ZNF138: variants seen among roughly 807,000 people sequenced by gnomAD.
The protein encoded by ZNF138 is zinc finger protein 138, also known as zinc finger protein 138 (clone pHZ-32).
In ZNF138, 33 loss-of-function variants were observed where a neutral mutation model predicts 33.0. The observed-to-expected ratio is 1.00, with a 90% CI of 0.76 to 1.34. The LOEUF (loss-of-function observed/expected upper bound fraction) is 1.34. Ranked by LOEUF, ZNF138 falls within the 40% of genes most tolerant of loss-of-function variation. The pLI is 0.00. For missense variants in ZNF138, 360 were observed against 370.8 expected, an observed-to-expected ratio of 0.97 and a Z score of 0.24; for synonymous variants, 139 against 120.4, an observed-to-expected ratio of 1.15 and a Z score of -1.01.
rs541601767 is a variant in ZNF138 at position 64,832,435 on chromosome 7, A to G, written c.*233A>G. 146 of 1,463,998 alleles carry G rather than the reference A, an allele frequency of 1.0e-4. 1 individual carries two copies. The highest frequency in any genetic ancestry group is 9.7e-4 in the South Asian group (70 of 72,242). 90.7% of individuals were successfully genotyped at this position (1,463,998 alleles called of 1,614,324 possible). On this transcript the variant is annotated 3_prime_UTR_variant, in exon 4 of 4. Transcript: ENST00000307355. ...CCCTACAAATGTAAAGAATGTGGAA[A>G]AGCTTTTCACCGATACTCAATCCTT...
chr7:64,815,477 C>T, intron 2 of ZNF138, 99 bp from the exon 3 acceptor site: 4 of 980,590 alleles, frequency 4.1e-6, no homozygotes, highest in Non-Finnish European at 6.0e-6. Context: ...CTATTACATT[C>T]TCTTTACTGA....
intron 1 of ZNF138, among the ~76,000 whole-genome samples, chr7:64,811,855 A>G (rs1788204445): frequency 6.6e-6 from 1 of 152,216 alleles, no homozygotes; most frequent in Admixed American, 6.5e-5. Context: ...TAAAACTCCC[A>G]TTCATGAACC....
At chr7:64,831,388 T>C in intron 3 of ZNF138, 63 bp from the exon 4 acceptor site, 1 of 1,383,410 alleles carries the variant, frequency 7.2e-7, no homozygotes, top group Non-Finnish European at 9.8e-7. Context: ...TAGGTTAGAT[T>C]TGTAAAGTAT....
At chr7:64,835,065 T>G (rs1583912498), downstream of ZNF138, among the ~76,000 whole-genome samples, 1 of 151,330 alleles carries the variant, frequency 6.6e-6, no homozygotes, top group African/African-American at 2.4e-5. Context: ...GGGTGAGGAG[T>G]GGGCAGGGTA....
chr7:64,852,348 A>C, the ZNF138 span: 4 of 1,175,606 alleles, frequency 3.4e-6, no homozygotes, highest in Non-Finnish European at 3.8e-6. Flanking sequence ...TGATAAAGGA[A>C]ATAGATCTAT....
intron 1 of ZNF138, among the ~76,000 whole-genome samples, chr7:64,804,530 C>A (rs1186877284): frequency 6.6e-6 from 1 of 151,770 alleles, no homozygotes; most frequent in African/African-American, 2.4e-5. Context: ...TGCAGCTTGT[C>A]CTGCTACAGG....
At chr7:64,802,780 G>T (rs115230911) in intron 1 of ZNF138, among the ~76,000 whole-genome samples, 2,335 of 152,138 alleles carry the variant, frequency 0.015, 59 homozygotes, top group African/African-American at 0.053. Context: ...CTAGTGAGCC[G>T]CAAGATCTTT....
intron 1 of ZNF138, 53 bp from the exon 2 acceptor site, chr7:64,814,865 C>T (rs1385799491): frequency 1.9e-6 from 3 of 1,604,314 alleles, no homozygotes; most frequent in Non-Finnish European, 2.6e-6. Context: ...TAAAATTCTG[C>T]CCATGGCTAC....
the ZNF138 span, among the ~76,000 whole-genome samples, chr7:64,840,052 G>A: frequency 6.6e-6 from 1 of 152,108 alleles, no homozygotes; most frequent in Non-Finnish European, 1.5e-5. Flanking sequence ...TAGTGGGCAT[G>A]CGCGTTAGTC....
In ZNF138 at chr7:64,832,670, ATG is replaced by A. The variant is rs1482981511; in HGVS notation, c.*471_*472del. On this transcript the variant is annotated 3_prime_UTR_variant, in exon 4 of 4. Transcript: ENST00000307355. ...TTCATAGTAAAGAGAAACCCTACAA[ATG>A]TGAACAGTGTGGCAAGGTCTTTAAG... The A allele has an allele frequency of 6.8e-6, 3 of 438,508 alleles. No homozygotes were observed. Among genetic ancestry groups the A allele is most frequent in the Non-Finnish European group, 1.4e-5 (3 of 220,464 alleles). The allele number at this position is 438,508 out of a possible 1,614,324, so 27.2% of individuals were successfully genotyped here. A position where few individuals can be genotyped will look rare whatever the true frequency, so the allele number is the denominator to read the frequency against.
At chr7:64,803,187 C>T (rs1239502752) in intron 1 of ZNF138, among the ~76,000 whole-genome samples, 1 of 146,996 alleles carries the variant, frequency 6.8e-6, no homozygotes, top group African/African-American at 2.5e-5. Flanking sequence ...AATCTTTTGT[C>T]ATTGTTTTTG....
chr7:64,855,533 C>A, the ZNF138 span, among the ~76,000 whole-genome samples: 2 of 1,448 alleles, frequency 1.4e-3, 1 homozygote, highest in African/African-American at 1.4e-3. Context: ...CCCTCTCCCT[C>A]TCCCTCTCAC....
chr7:64,822,019 C>T (rs552915983), intron 3 of ZNF138, among the ~76,000 whole-genome samples: 2 of 148,892 alleles, frequency 1.3e-5, no homozygotes, highest in Non-Finnish European at 3.0e-5. Context: ...CCTGGGTTCA[C>T]GCCATTCTTC....
chr7:64,803,258 G>GTTTTTT lies in ZNF138; in HGVS notation c.3+8700_3+8705dup, dbSNP rs60101981. Among the ~76,000 whole-genome samples, 113 of 112,988 alleles carry GTTTTTT rather than the reference G, an allele frequency of 1.0e-3. 1 individual carries two copies. Among genetic ancestry groups the GTTTTTT allele is most frequent in the Middle Eastern group, 4.9e-3 (1 of 206 alleles). 74.1% of individuals were successfully genotyped at this position (112,988 alleles called of 152,430 possible). On this transcript the variant is annotated intron_variant, in intron 1 of 3. Coordinates refer to ENST00000307355, the MANE Select transcript of ZNF138 (RefSeq NM_001271639.2). The stretch of plus-strand genomic sequence containing the variant: ...TTGCTTTGTTTTTGCTTTGGCAAAG[G>GTTTTTT]TTTTTTTTTTTTTTTTTTCATTTAA...
rs372794890 is a variant in ZNF138, at chr7:64,805,411, C to CA, written c.4-9496dup. Among the ~76,000 whole-genome samples, 15 of 127,044 alleles carry CA rather than the reference C, an allele frequency of 1.2e-4. No homozygotes were observed. The South Asian group carries it at 1.8e-3, about 15-fold the overall frequency. The allele number at this position is 127,044 out of a possible 152,430, so 83.3% of individuals were successfully genotyped here. On this transcript the variant is annotated intron_variant, in intron 1 of 3. Transcript: ENST00000307355. ...AAGACTCTGTCTCAAAAAAACAAAA[C>CA]AAAAAAAAAAACTGAGGCTGAAACA...
intron 3 of ZNF138, among the ~76,000 whole-genome samples, chr7:64,827,505 A>C (rs1438154367): frequency 1.3e-5 from 2 of 152,126 alleles, no homozygotes; most frequent in Non-Finnish European, 2.9e-5. Flanking sequence ...CGGCCTCCCA[A>C]AGTGCTGGGA....
At chr7:64,854,419 T>C in the ZNF138 span, among the ~76,000 whole-genome samples, 1 of 152,204 alleles carries the variant, frequency 6.6e-6, no homozygotes, top group Non-Finnish European at 1.5e-5. Flanking sequence ...TTTTGTATTT[T>C]TAGTAGAGAT....
At chr7:64,858,743 A>C in the ZNF138 span, among the ~76,000 whole-genome samples, 2 of 151,996 alleles carry the variant, frequency 1.3e-5, no homozygotes, top group African/African-American at 4.8e-5. Context: ...CTTTTTAAAA[A>C]TTTTTTTCAA....
chr7:64,844,029 G>T, the ZNF138 span, among the ~76,000 whole-genome samples: 1 of 152,076 alleles, frequency 6.6e-6, no homozygotes, highest in South Asian at 2.1e-4. Context: ...TCACCATGTT[G>T]GCCAGGCTGG....
Sources: gnomAD v4.1 joint callset for allele counts (sites outside exome capture counted in the v4.1 genomes callset) on GRCh38, gnomAD v4.1.1 for gene constraint, MANE v1.5 for transcripts, NCBI Gene and HGNC (gene_info 2026-07-23, HGNC 2026-07-21) for gene names.